Variants in CCDC201 observed in about 807,000 individuals in gnomAD.
CCDC201 encodes coiled-coil domain-containing protein 201.
chr7:45,880,917 C>T, the CCDC201 span, among the ~76,000 whole-genome samples: 6 of 152,124 alleles, frequency 3.9e-5, no homozygotes, highest in Non-Finnish European at 7.4e-5. Context: ...GGACTGATGG[C>T]CTCACAAGCA....
At chr7:45,880,076 A>ACT in the CCDC201 span, among the ~76,000 whole-genome samples, 1 of 152,160 alleles carries the variant, frequency 6.6e-6, no homozygotes, top group Admixed American at 6.5e-5. Context: ...ACAGAGTGAG[A>ACT]CTCTGTCTTC....
chr7:45,881,985 G>T, the CCDC201 span, among the ~76,000 whole-genome samples: 1 of 152,162 alleles, frequency 6.6e-6, no homozygotes, highest in South Asian at 2.1e-4. Flanking sequence ...GATAAGGGCA[G>T]CACGTCGGGC....
At chr7:45,869,377 A>C (rs1786716532) in intron 1 of CCDC201, among the ~76,000 whole-genome samples, 2 of 152,224 alleles carry the variant, frequency 1.3e-5, no homozygotes, top group Admixed American at 6.5e-5. Flanking sequence ...CCTGAAACAG[A>C]AGCAGCAACA....
intron 2 of CCDC201, 52 bp from the exon 3 acceptor site, chr7:45,863,223 C>T (rs1025754296): frequency 6.6e-6 from 1 of 152,296 alleles, no homozygotes; most frequent in Admixed American, 6.5e-5. Flanking sequence ...TTACTGGAGA[C>T]AAGCTCTTCT....
intron 1 of CCDC201, among the ~76,000 whole-genome samples, chr7:45,870,839 C>G (rs186918482): frequency 6.6e-6 from 1 of 152,270 alleles, no homozygotes; most frequent in East Asian, 1.9e-4. Flanking sequence ...AGAAGATTAT[C>G]TTGTTACTTG....
At chr7:45,873,661 C>T (rs1047983422), upstream of CCDC201, among the ~76,000 whole-genome samples, 1 of 152,172 alleles carries the variant, frequency 6.6e-6, no homozygotes, top group Admixed American at 6.5e-5. Flanking sequence ...GGAACCACTG[C>T]ACGAATGAAA....
rs112127729 is a variant in CCDC201 at position 45,871,184 on chromosome 7, C to T, written c.18+1806G>A. ...GACCCAGACATGCATAGGAGGATGT[C>T]ATGTGGCAGAAGGTACATCTCAAAT... On this transcript the variant is annotated intron_variant, in intron 1 of 2. Transcript: ENST00000636578. Among the ~76,000 whole-genome samples, 99 of 152,230 alleles carry T rather than the reference C, an allele frequency of 6.5e-4. 1 individual carries two copies. Among genetic ancestry groups the T allele is most frequent in the African/African-American group, 2.1e-3 (89 of 41,532 alleles).
rs113136055 is a variant in CCDC201 at position 45,869,819 on chromosome 7, A to ATT, written c.18+3169_18+3170dup. 2.0e-3 allele frequency among the ~76,000 whole-genome samples: 279 copies of ATT among 140,798 alleles called. 2 individuals carry two copies. Among genetic ancestry groups the ATT allele is most frequent in the African/African-American group, 4.1e-3 (158 of 38,296 alleles). The allele number at this position is 140,798 out of a possible 152,430, so 92.4% of individuals were successfully genotyped here. A position where few individuals can be genotyped will look rare whatever the true frequency, so the allele number is the denominator to read the frequency against. On this transcript the variant is annotated intron_variant, in intron 1 of 2. Coordinates refer to ENST00000636578, the Ensembl canonical transcript of CCDC201. The stretch of plus-strand genomic sequence containing the variant: ...CTACTTTACAGTTTAGTTGCTCCAC[A>ATT]TTTTTTTTTTTTTTTTGAGACAGAG...
At chr7:45,869,405 G>C (rs1786716992) in intron 1 of CCDC201, among the ~76,000 whole-genome samples, 1 of 152,218 alleles carries the variant, frequency 6.6e-6, no homozygotes, top group Non-Finnish European at 1.5e-5. Context: ...GTGAACTAGA[G>C]TTGGTGAAAC....
chr7:45,865,265 C>T (rs1786656026), intron 2 of CCDC201, among the ~76,000 whole-genome samples: 1 of 152,190 alleles, frequency 6.6e-6, no homozygotes, highest in Non-Finnish European at 1.5e-5. Context: ...CTCATTGGGT[C>T]CTTTCAGCTT....
upstream of CCDC201, among the ~76,000 whole-genome samples, chr7:45,877,636 G>T: frequency 6.6e-6 from 1 of 152,110 alleles, no homozygotes; most frequent in East Asian, 1.9e-4. Flanking sequence ...TTTCAAACAA[G>T]CAGTAGTAGG....
At chr7:45,871,312 T>C (rs547721533) in intron 1 of CCDC201, among the ~76,000 whole-genome samples, 11 of 152,170 alleles carry the variant, frequency 7.2e-5, no homozygotes, top group Middle Eastern at 6.8e-3. Flanking sequence ...TCCCTGTAAC[T>C]CATGGCTTAC....
intron 1 of CCDC201, 97 bp from the exon 2 acceptor site, chr7:45,866,591 T>C (rs1178695654): frequency 6.6e-6 from 1 of 152,142 alleles, no homozygotes; most frequent in Non-Finnish European, 1.5e-5. Flanking sequence ...TATTTAAGCA[T>C]GATGGCCCCA....
chr7:45,881,487 G>A, the CCDC201 span, among the ~76,000 whole-genome samples: 1 of 152,232 alleles, frequency 6.6e-6, no homozygotes, highest in Non-Finnish European at 1.5e-5. Flanking sequence ...CCAGAGGCCG[G>A]AGTCTGGGGT....
At chr7:45,872,174 GCATTTT>G (rs751054891) in intron 1 of CCDC201, among the ~76,000 whole-genome samples, 31 of 152,300 alleles carry the variant, frequency 2.0e-4, no homozygotes, top group East Asian at 1.7e-3. Context: ...CCACAGGCAT[GCATTTT>G]CTATTTATAA....
chr7:45,879,839 A>G, the CCDC201 span, among the ~76,000 whole-genome samples: 6 of 152,200 alleles, frequency 3.9e-5, no homozygotes, highest in Admixed American at 2.0e-4. Context: ...TAAGTCCAAC[A>G]TTTTGGGAGG....
chr7:45,863,983 G>C (rs948865970), intron 2 of CCDC201, among the ~76,000 whole-genome samples: 1 of 152,162 alleles, frequency 6.6e-6, no homozygotes, highest in African/African-American at 2.4e-5. Context: ...CCAGCAGAGA[G>C]GGCCAGGCTG....
At chr7:45,879,941 C>T in the CCDC201 span, among the ~76,000 whole-genome samples, 4 of 152,062 alleles carry the variant, frequency 2.6e-5, no homozygotes, top group African/African-American at 9.7e-5. Flanking sequence ...CAAAAATTAG[C>T]CAGGCATGGT....
intron 1 of CCDC201, among the ~76,000 whole-genome samples, chr7:45,869,117 G>A (rs989464417): frequency 1.3e-5 from 2 of 152,166 alleles, no homozygotes; most frequent in African/African-American, 2.4e-5. Context: ...ATATTTGAAT[G>A]TGGCATAATG....
Sources: gnomAD v4.1 joint callset for allele counts (sites outside exome capture counted in the v4.1 genomes callset) on GRCh38, gnomAD v4.1.1 for gene constraint, MANE v1.5 for transcripts, NCBI Gene and HGNC (gene_info 2026-07-23, HGNC 2026-07-21) for gene names.